LNX2: variants seen among roughly 807,000 people sequenced by gnomAD.
LNX2 encodes ligand of Numb protein X 2.
Under a neutral mutation model 66.2 loss-of-function variants are expected in LNX2, and 35 were observed. The observed-to-expected ratio is 0.53, with a 90% CI of 0.40 to 0.70. The LOEUF is 0.70. LNX2 is among the 30% of genes least tolerant of loss of function. The pLI, the probability that LNX2 is intolerant of heterozygous loss-of-function variation, is 0.00. For synonymous variants in LNX2, 337 were observed against 315.6 expected (o/e 1.07, Z -0.72); for missense variants, 791 against 850.8 (o/e 0.93, Z 0.87).
Position 27,567,695 on chromosome 13 carries a change from C to T in LNX2, c.800G>A (p.Arg267Gln), listed in dbSNP as rs763418004. ...LINIVIQEVY[R>Q]DGVIARDGRL... ...CCCGTCTCTGGCAATGACCCCATCCCGATAGACCTCCTGGATGACAATGTT... is the reference window on the plus strand; with the variant it reads ...CCCGTCTCTGGCAATGACCCCATCCTGATAGACCTCCTGGATGACAATGTT... Residue 267 changes from arginine to glutamine, a missense_variant, in exon 4 of 10, where the codon CGG (arginine) becomes CAG (glutamine). Arg to Gln is a conservative substitution (Grantham distance 43, BLOSUM62 1). Transcript: ENST00000316334. 3.5e-5 allele frequency: 56 copies of T among 1,613,812 alleles called. No homozygotes were observed. Among genetic ancestry groups the T allele is most frequent in the Non-Finnish European group, 4.5e-5 (53 of 1,179,924 alleles).
intron 4 of LNX2, among the ~76,000 whole-genome samples, chr13:27,566,731 C>T (rs1259424523): frequency 6.6e-6 from 1 of 152,142 alleles, no homozygotes; most frequent in African/African-American, 2.4e-5. Context: ...TAGATATCAA[C>T]AGGTCATGGT....
At chr13:27,564,476 T>C (rs1311384021) in intron 4 of LNX2, among the ~76,000 whole-genome samples, 2 of 152,190 alleles carry the variant, frequency 1.3e-5, no homozygotes, top group Admixed American at 6.5e-5. Context: ...TTCTAAGTTA[T>C]ATTACTTTTA....
At chr13:27,620,030 T>G (rs562427565) in intron 1 of LNX2, among the ~76,000 whole-genome samples, 11 of 152,056 alleles carry the variant, frequency 7.2e-5, no homozygotes, top group Non-Finnish European at 1.0e-4. Flanking sequence ...CACCTCTCCC[T>G]TCCCTTAAGA....
chr13:27,585,368 G>A (rs1448419291), intron 1 of LNX2, among the ~76,000 whole-genome samples: 3 of 151,804 alleles, frequency 2.0e-5, no homozygotes, highest in Admixed American at 1.3e-4. Flanking sequence ...CTTGCAGTGA[G>A]CCAAGATCGC....
intron 2 of LNX2, among the ~76,000 whole-genome samples, chr13:27,573,089 G>C (rs1955302083): frequency 6.6e-6 from 1 of 152,154 alleles, no homozygotes; most frequent in South Asian, 2.1e-4. Context: ...ATTTGTTCAA[G>C]AAAAATGGCT....
chr13:27,549,879 A>T (rs1954985420), intron 9 of LNX2, among the ~76,000 whole-genome samples: 1 of 152,234 alleles, frequency 6.6e-6, no homozygotes, highest in Non-Finnish European at 1.5e-5. Flanking sequence ...AATGAAGCAG[A>T]GTCATCTAAT....
At chr13:27,553,984 G>C (rs1202052032) in intron 7 of LNX2, among the ~76,000 whole-genome samples, 1 of 152,132 alleles carries the variant, frequency 6.6e-6, no homozygotes, top group African/African-American at 2.4e-5. Context: ...TGTCTTCCCT[G>C]TTTCAGGAAG....
At chr13:27,608,797 T>TTTTTTTG (rs146964306) in intron 1 of LNX2, among the ~76,000 whole-genome samples, 1 of 150,860 alleles carries the variant, frequency 6.6e-6, no homozygotes, top group Non-Finnish European at 1.5e-5. Flanking sequence ...TTCTTTGAGT[T>TTTTTTTG]TTTTGTTTTG....
intron 5 of LNX2, among the ~76,000 whole-genome samples, chr13:27,560,779 T>C (rs1423691112): frequency 6.6e-6 from 1 of 152,084 alleles, no homozygotes; most frequent in Non-Finnish European, 1.5e-5. Context: ...CTCTTGGTCA[T>C]GACCACAATG....
chr13:27,609,252 A>G (rs1455461210), intron 1 of LNX2, among the ~76,000 whole-genome samples: 1 of 151,676 alleles, frequency 6.6e-6, no homozygotes, highest in Non-Finnish European at 1.5e-5. Flanking sequence ...TCCCGGATTC[A>G]AGCAGTTCTC....
At position 27,581,473 on chromosome 13, in the gene LNX2, A is replaced by T; in HGVS notation, c.231T>A (p.Phe77Leu). ...ACGGACAGAAATCTTTCTCTTGTAAAAAGTTTCTGAGGCACTTGTAGCAGA... is the reference window on the plus strand; with the variant it reads ...ACGGACAGAAATCTTTCTCTTGTAATAAGTTTCTGAGGCACTTGTAGCAGA... ...HTFCYKCLRN[F>L]LQEKDFCPLD... The change falls in exon 2 of 10, where the codon TTT becomes TTA. Residue 77 changes from phenylalanine (F) to leucine (L), a missense_variant. Phe to Leu is a conservative substitution (Grantham distance 22). Coordinates refer to ENST00000316334, the MANE Select transcript of LNX2 (RefSeq NM_153371.4). 6.2e-7 allele frequency: 1 copy of T among 1,611,214 alleles called. No homozygotes were observed. Among genetic ancestry groups the T allele is most frequent in the Non-Finnish European group, 8.5e-7 (1 of 1,177,930 alleles).
intron 1 of LNX2, among the ~76,000 whole-genome samples, chr13:27,620,166 G>A (rs1461061341): frequency 1.0e-5 from 1 of 97,746 alleles, no homozygotes; most frequent in African/African-American, 2.8e-5. Context: ...TCCTGGACCA[G>A]ACCCACACCC....
intron 4 of LNX2, among the ~76,000 whole-genome samples, chr13:27,566,362 C>T (rs73446840): frequency 0.022 from 3,406 of 152,158 alleles, 137 homozygotes; most frequent in African/African-American, 0.077. Flanking sequence ...GTATATTCCA[C>T]GAGGACAGGT....
At chr13:27,597,712 G>C (rs1362938433) in intron 1 of LNX2, among the ~76,000 whole-genome samples, 2 of 152,070 alleles carry the variant, frequency 1.3e-5, no homozygotes, top group Non-Finnish European at 2.9e-5. Context: ...TTAAGGGAAT[G>C]ACTATGAACA....
At chr13:27,590,326 C>T (rs1032601917) in intron 1 of LNX2, among the ~76,000 whole-genome samples, 60 of 152,170 alleles carry the variant, frequency 3.9e-4, no homozygotes, top group African/African-American at 1.4e-3. Flanking sequence ...ACTCTGCTCA[C>T]TGCAACCTCT....
At chr13:27,615,309 T>G (rs1317635289) in intron 1 of LNX2, among the ~76,000 whole-genome samples, 1 of 152,168 alleles carries the variant, frequency 6.6e-6, no homozygotes, top group South Asian at 2.1e-4. Flanking sequence ...ACAAAGGATA[T>G]AGATGAAGAG....
At chr13:27,614,324 A>G (rs556973682) in intron 1 of LNX2, among the ~76,000 whole-genome samples, 1 of 152,328 alleles carries the variant, frequency 6.6e-6, no homozygotes, top group South Asian at 2.1e-4. Flanking sequence ...GGAGAAACTA[A>G]GATTGGCCTT....
chr13:27,620,496 T>TCGCCGC lies in LNX2; in HGVS notation c.-228_-223dup, dbSNP rs530368033. On this transcript the variant is annotated 5_prime_UTR_variant, in exon 1 of 10. Transcript: ENST00000316334. ...CTGCCCGGCTCCGCTCCGCCAGGAA[T>TCGCCGC]CGCCGCCGCCGCCGCCGCCGCCGCG... is the stretch of plus-strand genomic sequence containing the variant. 4.4e-3 allele frequency: 762 copies of TCGCCGC among 171,634 alleles called. 8 individuals carry two copies. Among genetic ancestry groups the TCGCCGC allele is most frequent in the South Asian group, 0.018 (123 of 6,818 alleles). The allele number at this position is 171,634 out of a possible 1,614,324, so 10.6% of individuals were successfully genotyped here.
At chr13:27,548,507 T>C in intron 9 of LNX2, 37 bp from the exon 10 acceptor site, 1 of 1,587,410 alleles carries the variant, frequency 6.3e-7, no homozygotes, top group East Asian at 2.2e-5. Flanking sequence ...TGTTACTATT[T>C]TCATGGTATT....
Sources: gnomAD v4.1 joint callset for allele counts (sites outside exome capture counted in the v4.1 genomes callset) on GRCh38, gnomAD v4.1.1 for gene constraint, MANE v1.5 for transcripts, NCBI Gene and HGNC (gene_info 2026-07-23, HGNC 2026-07-21) for gene names.